The following SYCP2L variants were observed in gnomAD, a reference collection of about 807,000 sequenced individuals.
SYCP2L encodes the protein synaptonemal complex protein 2 like, also known as synaptonemal complex protein 2-like.
In SYCP2L, 98 loss-of-function variants were observed where a neutral mutation model predicts 125.8. The ratio of observed to expected loss-of-function variants is 0.78; its 90% CI spans 0.66 to 0.92. The LOEUF (loss-of-function observed/expected upper bound fraction) is 0.92, where lower values mean the gene tolerates loss of function less well. SYCP2L is among the 40% of genes least tolerant of loss of function. The pLI, the probability that SYCP2L is intolerant of heterozygous loss-of-function variation, is 0.00. For missense variants in SYCP2L, 842 were observed against 936.4 expected (o/e 0.90, Z 1.32); for synonymous variants, 317 against 325.4 (o/e 0.97, Z 0.28).
chr6:10,951,187 G>A (rs573006612), intron 23 of SYCP2L, among the ~76,000 whole-genome samples: 1 of 151,984 alleles, frequency 6.6e-6, no homozygotes. Flanking sequence ...ACTTTGGGAG[G>A]CCAAGGCAGG....
intron 1 of SYCP2L, among the ~76,000 whole-genome samples, chr6:10,888,387 G>A (rs912837711): frequency 6.6e-6 from 1 of 152,032 alleles, no homozygotes; most frequent in African/African-American, 2.4e-5. Context: ...GAGCCACAGC[G>A]CCCGGCTATC....
intron 14 of SYCP2L, among the ~76,000 whole-genome samples, chr6:10,923,300 G>T (rs4713065): frequency 6.6e-6 from 1 of 151,112 alleles, no homozygotes; most frequent in Non-Finnish European, 1.5e-5. Context: ...ATTTTCTCTT[G>T]TAAGCCCGAT....
chr6:10,952,739 A>G (rs900891246), intron 23 of SYCP2L, among the ~76,000 whole-genome samples: 1 of 152,178 alleles, frequency 6.6e-6, no homozygotes, highest in Non-Finnish European at 1.5e-5. Flanking sequence ...AGATGCAAGC[A>G]TGAATGTTGT....
At chr6:10,965,236 T>C (rs539079362) in intron 29 of SYCP2L, among the ~76,000 whole-genome samples, 85 of 152,264 alleles carry the variant, frequency 5.6e-4, no homozygotes, top group Middle Eastern at 3.4e-3. Flanking sequence ...AGCAGGAGGA[T>C]AGCAGTGGAG....
At chr6:10,948,865 C>T (rs1182951599) in intron 23 of SYCP2L, among the ~76,000 whole-genome samples, 1 of 152,142 alleles carries the variant, frequency 6.6e-6, no homozygotes, top group Non-Finnish European at 1.5e-5. Context: ...TCCTTAATAG[C>T]CACTGATATA....
Position 10,972,679 on chromosome 6 carries a change from C to T in SYCP2L, c.*38-1273C>T, listed in dbSNP as rs542298448. On this transcript the variant is annotated intron_variant, in intron 29 of 29. Transcript: ENST00000283141. ...TAAAAGATGTATGCCAACATCCTCC[C>T]CTCTTTCGCTTTTTATTTATTTAGT... Among the ~76,000 whole-genome samples, 6 of 152,268 alleles carry T rather than the reference C, an allele frequency of 3.9e-5. No individual in the cohort carries two copies. In the South Asian group the frequency reaches 1.2e-3, roughly 32 times the overall value.
intron 23 of SYCP2L, among the ~76,000 whole-genome samples, chr6:10,948,576 G>C (rs922333636): frequency 1.3e-5 from 2 of 152,014 alleles, no homozygotes; most frequent in Non-Finnish European, 2.9e-5. Context: ...TCATTTGATT[G>C]TGGTACATTT....
At chr6:10,970,148 A>G (rs574741443) in intron 29 of SYCP2L, among the ~76,000 whole-genome samples, 1 of 152,104 alleles carries the variant, frequency 6.6e-6, no homozygotes, top group South Asian at 2.1e-4. Flanking sequence ...ACCAAGTGAA[A>G]CCTCTCTAAG....
intron 14 of SYCP2L, among the ~76,000 whole-genome samples, chr6:10,921,027 C>T (rs1168200803): frequency 6.6e-6 from 1 of 152,170 alleles, no homozygotes; most frequent in African/African-American, 2.4e-5. Context: ...AGTTGTTCTT[C>T]CTGATGTTCT....
intron 1 of SYCP2L, 54 bp downstream of exon 1, chr6:10,887,189 A>T (rs1780087539): frequency 6.2e-7 from 1 of 1,610,380 alleles, no homozygotes; most frequent in Admixed American, 1.7e-5. Context: ...AGGGCGCGCG[A>T]GGGCGCGGGG....
chr6:10,906,491 C>T (rs562414853), intron 9 of SYCP2L, among the ~76,000 whole-genome samples: 1 of 152,202 alleles, frequency 6.6e-6, no homozygotes, highest in African/African-American at 2.4e-5. Context: ...AATGCCATTC[C>T]TTTTTACCCT....
At chr6:10,917,020 T>C (rs1218197661) in intron 14 of SYCP2L, among the ~76,000 whole-genome samples, 2 of 152,134 alleles carry the variant, frequency 1.3e-5, no homozygotes, top group East Asian at 3.8e-4. Flanking sequence ...CATAATAATT[T>C]CAGTTTTCTT....
intron 23 of SYCP2L, among the ~76,000 whole-genome samples, chr6:10,951,549 A>G (rs897864797): frequency 6.6e-6 from 1 of 152,386 alleles, no homozygotes; most frequent in Non-Finnish European, 1.5e-5. Context: ...TCTTAACTGC[A>G]TTAATCTATA....
intron 29 of SYCP2L, among the ~76,000 whole-genome samples, chr6:10,967,198 C>G (rs1781696621): frequency 6.6e-6 from 1 of 151,786 alleles, no homozygotes; most frequent in Non-Finnish European, 1.5e-5. Flanking sequence ...TACATCAGGT[C>G]CTGATATTTT....
chr6:10,904,758 C>T (rs898072793), intron 8 of SYCP2L, among the ~76,000 whole-genome samples: 1 of 152,110 alleles, frequency 6.6e-6, no homozygotes, highest in East Asian at 1.9e-4. Context: ...AGTAACAAGT[C>T]GAGCTGCTTC....
At chr6:10,963,660 C>T in intron 28 of SYCP2L, 122 bp from the exon 29 acceptor site, 2 of 922,128 alleles carry the variant, frequency 2.2e-6, no homozygotes, top group Non-Finnish European at 3.3e-6. Context: ...GTGTTGGTGT[C>T]TATAATTAAG....
At chr6:10,897,819 A>AT (rs1156292455) in intron 4 of SYCP2L, among the ~76,000 whole-genome samples, 192 bp from the exon 5 acceptor site, 5 of 152,128 alleles carry the variant, frequency 3.3e-5, no homozygotes, top group African/African-American at 1.2e-4. Flanking sequence ...TACTTATGAC[A>AT]GCTCTGTAGT....
At chr6:10,939,249 A>G (rs1364102847) in intron 21 of SYCP2L, among the ~76,000 whole-genome samples, 2 of 152,262 alleles carry the variant, frequency 1.3e-5, no homozygotes, top group Non-Finnish European at 2.9e-5. Context: ...AATAAATGGA[A>G]GAATATCCTA....
At chr6:10,895,798 T>A (rs773903448) in intron 4 of SYCP2L, among the ~76,000 whole-genome samples, 6 of 150,260 alleles carry the variant, frequency 4.0e-5, no homozygotes, top group Non-Finnish European at 8.9e-5. Flanking sequence ...AACTCTATAC[T>A]TCTAAAGACA....
Sources: allele counts gnomAD v4.1 joint callset (sites outside exome capture counted in the v4.1 genomes callset), GRCh38; gene constraint gnomAD v4.1.1; transcripts MANE v1.5; gene names NCBI Gene and HGNC (gene_info 2026-07-23, HGNC 2026-07-21).